CRYBG1: variants seen among roughly 807,000 people sequenced by gnomAD.
CRYBG1 encodes beta/gamma crystallin domain-containing protein 1.
A neutral mutation model predicts 189.2 loss-of-function variants in CRYBG1; 139 were observed. That is an observed-to-expected ratio of 0.73 (90% CI 0.64 to 0.85). The LOEUF is 0.85. CRYBG1 is among the 40% of genes least tolerant of loss of function. The pLI is 0.00. For synonymous variants in CRYBG1, 1,023 were observed against 1,017.1 expected (o/e 1.01, Z -0.11); for missense variants, 2,611 against 2,675.8 (o/e 0.98, Z 0.53).
rs185862711 is a variant in CRYBG1 at position 106,520,203 on chromosome 6, G to T, written c.2995G>T (p.Val999Phe). Residue 999 changes from valine (V) to phenylalanine (F), a missense_variant, in exon 4 of 22, where the codon GTT (valine) becomes TTT (phenylalanine). Val to Phe is a conservative substitution (Grantham distance 50). Around this residue, in one of 3 missense-constraint regions of CRYBG1, gnomAD observed 1,622 missense variants for 1,735.0 expected, o/e 0.93. Coordinates refer to ENST00000633556, the MANE Select transcript of CRYBG1 (RefSeq NM_001371242.2). ...CHSNEPEVVS[V>F]ASCAPPQEEV... is the part of the protein sequence containing the mutation. ...CAGTAATGAACCTGAAGTGGTTTCC[G>T]TTGCAAGTTGTGCTCCCCCACAAGA... 4.3e-6 allele frequency: 7 copies of T among 1,614,122 alleles called. No homozygotes were observed. The highest frequency in any genetic ancestry group is 2.2e-5 in the East Asian group (1 of 44,874).
At chr6:106,362,941 T>G (rs1052941940) in intron 1 of CRYBG1, among the ~76,000 whole-genome samples, 1 of 152,160 alleles carries the variant, frequency 6.6e-6, no homozygotes, top group Admixed American at 6.5e-5. Flanking sequence ...TAAATACATT[T>G]TAGTATAAAA....
chr6:106,481,068 G>A lies in CRYBG1; in HGVS notation c.312+29236G>A, dbSNP rs958512775. On this transcript the variant is annotated intron_variant, in intron 2 of 21. Coordinates refer to ENST00000633556, the MANE Select transcript of CRYBG1 (RefSeq NM_001371242.2). ...GGCTCACTGCAAGCTCCGCCTCCCG[G>A]GTTCACGCCATTCTCCTGCCTCAGC... Among the ~76,000 whole-genome samples the A allele has an allele frequency of 3.6e-5, 3 of 84,128 alleles. 1 individual carries two copies. The highest frequency in any genetic ancestry group is 6.3e-5 in the Non-Finnish European group (3 of 47,806). 55.2% of individuals were successfully genotyped at this position (84,128 alleles called of 152,430 possible).
chr6:106,365,631 G>T (rs1771972894), intron 1 of CRYBG1, among the ~76,000 whole-genome samples: 1 of 130,748 alleles, frequency 7.6e-6, no homozygotes, highest in Non-Finnish European at 1.8e-5. Context: ...TTAGCTAAAG[G>T]TCAAAAGCAG....
chr6:106,447,454 T>G (rs1011501442), intron 1 of CRYBG1, among the ~76,000 whole-genome samples: 1 of 151,920 alleles, frequency 6.6e-6, no homozygotes, highest in African/African-American at 2.4e-5. Flanking sequence ...GGATTGTTTG[T>G]AACACAAAAG....
intron 2 of CRYBG1, among the ~76,000 whole-genome samples, chr6:106,492,881 T>C (rs1772756567): frequency 6.6e-6 from 1 of 152,136 alleles, no homozygotes; most frequent in Admixed American, 6.5e-5. Context: ...GGAGCACTCA[T>C]GTAACCATGA....
intron 2 of CRYBG1, among the ~76,000 whole-genome samples, chr6:106,452,436 A>G (rs1771803585): frequency 1.3e-5 from 2 of 151,098 alleles, no homozygotes; most frequent in South Asian, 4.2e-4. Flanking sequence ...AAAAAAAAAA[A>G]AAGAATGAGC....
intron 3 of CRYBG1, among the ~76,000 whole-genome samples, chr6:106,514,061 C>T (rs1309568549): frequency 6.6e-6 from 1 of 152,152 alleles, no homozygotes; most frequent in Non-Finnish European, 1.5e-5. Context: ...AACTGCCAAA[C>T]GAATGTTACC....
chr6:106,422,344 A>ATTTATTTTTTTTTTTTTTTTTT (rs57640822), intron 1 of CRYBG1, among the ~76,000 whole-genome samples: 1 of 139,928 alleles, frequency 7.1e-6, no homozygotes, highest in East Asian at 2.2e-4. Flanking sequence ...TTATTTATTT[A>ATTTATTTTTTTTTTTTTTTTTT]TTTTTGAGAC....
At chr6:106,437,131 TA>T (rs1771475689) in intron 1 of CRYBG1, among the ~76,000 whole-genome samples, 1 of 152,076 alleles carries the variant, frequency 6.6e-6, no homozygotes, top group African/African-American at 2.4e-5. Context: ...ACAAAACAAA[TA>T]AAATTGTATC....
At chr6:106,477,802 A>T (rs1291283045) in intron 2 of CRYBG1, among the ~76,000 whole-genome samples, 1 of 152,226 alleles carries the variant, frequency 6.6e-6, no homozygotes. Flanking sequence ...TCTCAGTCTG[A>T]GAAGGAACCA....
chr6:106,449,937 T>C (rs1279980086), intron 1 of CRYBG1, among the ~76,000 whole-genome samples: 1 of 152,208 alleles, frequency 6.6e-6, no homozygotes, highest in African/African-American at 2.4e-5. Flanking sequence ...AAAAAGTATG[T>C]ACAGGGGCCA....
chr6:106,422,983 T>C (rs1582753836), intron 1 of CRYBG1, among the ~76,000 whole-genome samples: 1 of 152,194 alleles, frequency 6.6e-6, no homozygotes, highest in Non-Finnish European at 1.5e-5. Context: ...GTGATTAAAA[T>C]ACTCTGGAAG....
At chr6:106,380,318 A>G (rs900018765) in intron 1 of CRYBG1, among the ~76,000 whole-genome samples, 17 of 152,236 alleles carry the variant, frequency 1.1e-4, no homozygotes, top group African/African-American at 3.9e-4. Context: ...TGAAAAGGTT[A>G]CTATTTGAAT....
intron 1 of CRYBG1, among the ~76,000 whole-genome samples, chr6:106,417,373 G>A (rs1379385068): frequency 6.6e-6 from 1 of 152,094 alleles, no homozygotes; most frequent in Non-Finnish European, 1.5e-5. Context: ...TGGCCTGAGG[G>A]TGAAGGCTGT....
At chr6:106,486,506 T>G (rs925056424) in intron 2 of CRYBG1, among the ~76,000 whole-genome samples, 1 of 152,144 alleles carries the variant, frequency 6.6e-6, no homozygotes, top group Admixed American at 6.5e-5. Context: ...GTCTAGATGG[T>G]CTGTCCGTTG....
intron 1 of CRYBG1, among the ~76,000 whole-genome samples, chr6:106,379,780 A>AC (rs1582730909): frequency 6.6e-6 from 1 of 151,554 alleles, no homozygotes; most frequent in East Asian, 2.0e-4. Flanking sequence ...CAGCTTGAGG[A>AC]TTGCTTGAGG....
chr6:106,432,863 A>C (rs1358858805), intron 1 of CRYBG1, among the ~76,000 whole-genome samples: 1 of 129,150 alleles, frequency 7.7e-6, no homozygotes, highest in African/African-American at 2.8e-5. Context: ...TTTTTGAGAC[A>C]GAGTCTCACT....
intron 2 of CRYBG1, among the ~76,000 whole-genome samples, chr6:106,488,248 T>C (rs889039774): frequency 1.3e-5 from 2 of 152,198 alleles, no homozygotes; most frequent in Admixed American, 1.3e-4. Context: ...TGGTCACCAC[T>C]GTGCTATCTG....
At chr6:106,555,739 G>A in intron 16 of CRYBG1, 29 bp from the exon 17 acceptor site, 1 of 1,613,394 alleles carries the variant, frequency 6.2e-7, no homozygotes, top group Non-Finnish European at 8.5e-7. Context: ...TGCATATTCT[G>A]TGCATGTGTG....
Sources: allele counts gnomAD v4.1 joint callset (sites outside exome capture counted in the v4.1 genomes callset), GRCh38; gene constraint gnomAD v4.1.1; regional missense constraint gnomAD v4.1.1; transcripts MANE v1.5; gene names NCBI Gene and HGNC (gene_info 2026-07-23, HGNC 2026-07-21).